ANKRD13B: variants seen among roughly 807,000 people sequenced by gnomAD.
ANKRD13B encodes the protein ankyrin repeat domain 13B, also known as ankyrin repeat domain-containing protein 13B.
Under a neutral mutation model 74.4 loss-of-function variants are expected in ANKRD13B, and 33 were observed. The observed-to-expected ratio is 0.44, with a 90% CI of 0.34 to 0.59. The LOEUF (loss-of-function observed/expected upper bound fraction) is 0.59. Among genes scored for constraint, ANKRD13B ranks in the 20% least tolerant of loss-of-function variants. ANKRD13B has a pLI of 0.02. For missense variants in ANKRD13B, 676 were observed against 877.9 expected, an observed-to-expected ratio of 0.77 and a Z score of 2.91; for synonymous variants, 341 against 362.9, an observed-to-expected ratio of 0.94 and a Z score of 0.68.
At position 29,611,878 on chromosome 17, in the gene ANKRD13B, C is replaced by G; in HGVS notation, c.972C>G (p.Thr324=). The G allele has an allele frequency of 6.2e-7, 1 of 1,608,148 alleles. No individual in the cohort carries two copies. The highest frequency in any genetic ancestry group is 1.7e-5 in the Admixed American group (1 of 59,396). Residue 324 remains threonine, a splice_region_variant and synonymous_variant, in exon 10 of 15, where the codon ACC becomes ACG. Transcript: ENST00000394859. The surrounding 1 kb of genome is among the most constrained non-coding windows in gnomAD (Gnocchi z 4.3). ...AEQHGGPQNG[T]LITQTLSQAN... Reference sequence around the variant, plus strand: ...GGGCCCCTCCCCATGTGGTACAGACCCTGATCACTCAGACTCTGAGCCAAG... The same window carrying G: ...GGGCCCCTCCCCATGTGGTACAGACGCTGATCACTCAGACTCTGAGCCAAG...
intron 1 of ANKRD13B, among the ~76,000 whole-genome samples, chr17:29,600,810 C>G (rs562932712): frequency 6.6e-6 from 1 of 152,298 alleles, no homozygotes; most frequent in South Asian, 2.1e-4. Flanking sequence ...CTCTGCTCCC[C>G]TAAGTCAGTT....
intron 1 of ANKRD13B, among the ~76,000 whole-genome samples, chr17:29,603,805 A>G (rs973061904): frequency 6.6e-6 from 1 of 151,412 alleles, no homozygotes; most frequent in Non-Finnish European, 1.5e-5. Context: ...TGAGCCATCT[A>G]TCATCTTTAT....
intron 1 of ANKRD13B, among the ~76,000 whole-genome samples, chr17:29,601,238 T>C (rs2034165387): frequency 6.6e-6 from 1 of 150,708 alleles, no homozygotes. Flanking sequence ...TTTTTTTTTT[T>C]TGAGACAGAG....
At chr17:29,601,098 A>AT (rs1233732419) in intron 1 of ANKRD13B, among the ~76,000 whole-genome samples, 1 of 150,462 alleles carries the variant, frequency 6.6e-6, no homozygotes, top group African/African-American at 2.5e-5. Context: ...TAATTTTAGT[A>AT]TTTTTTTGTA....
intron 1 of ANKRD13B, among the ~76,000 whole-genome samples, chr17:29,598,735 G>A (rs1431318110): frequency 6.6e-6 from 1 of 151,804 alleles, no homozygotes; most frequent in Non-Finnish European, 1.5e-5. Context: ...TTTTTTTGTA[G>A]AGATGGGGTC....
In ANKRD13B at chr17:29,598,190, G is replaced by C. The variant is rs74772596; in HGVS notation, c.114+4455G>C. ...CTTCTCTGTGAGGGGCCACAGCTCA[G>C]AGGCCAACAGGGGCCAGGCCCGCTG... On this transcript the variant is annotated intron_variant, in intron 1 of 14. Transcript: ENST00000394859. Among the ~76,000 whole-genome samples, 582 of 152,314 alleles carry C rather than the reference G, an allele frequency of 3.8e-3. 4 individuals carry two copies. Among genetic ancestry groups the C allele is most frequent in the African/African-American group, 0.013 (542 of 41,566 alleles).
intron 1 of ANKRD13B, among the ~76,000 whole-genome samples, chr17:29,600,735 T>TG (rs773499538): frequency 1.3e-5 from 2 of 152,112 alleles, no homozygotes; most frequent in African/African-American, 4.8e-5. Context: ...TCAGGGGGGC[T>TG]GGGGGTCACC....
At chr17:29,606,355 T>TA (rs1411878691) in intron 1 of ANKRD13B, among the ~76,000 whole-genome samples, 5 of 151,666 alleles carry the variant, frequency 3.3e-5, no homozygotes, top group Admixed American at 1.3e-4. Context: ...GGTCAGGAGT[T>TA]AGAGACCAGC....
rs1205331895 is a variant in ANKRD13B at position 29,593,585 on chromosome 17, C to T, written c.-37C>T. The stretch of plus-strand genomic sequence containing the variant: ...CGGCTCCGGCGCCGTCCCTCCTCCC[C>T]GGCCGGGCGCCGCGGCCCCGGCATG... On this transcript the variant is annotated 5_prime_UTR_variant, in exon 1 of 15. Transcript: ENST00000394859. 5 of 1,131,978 alleles carry T rather than the reference C, an allele frequency of 4.4e-6. No individual in the cohort carries two copies. Among genetic ancestry groups the T allele is most frequent in the Non-Finnish European group, 5.5e-6 (5 of 905,266 alleles). The allele number at this position is 1,131,978 out of a possible 1,614,324, so 70.1% of individuals were successfully genotyped here.
chr17:29,593,714 GA>G lies in ANKRD13B; in HGVS notation c.95del (p.Lys32ArgfsTer58). The G allele has an allele frequency of 7.0e-7, 1 of 1,434,848 alleles. No individual in the cohort carries two copies. Among genetic ancestry groups the G allele is most frequent in the Non-Finnish European group, 9.2e-7 (1 of 1,084,080 alleles). 88.9% of individuals were successfully genotyped at this position (1,434,848 alleles called of 1,614,324 possible). On this transcript the variant is annotated frameshift_variant, in exon 1 of 15. Transcript: ENST00000394859. LOFTEE classifies it high-confidence loss of function. ...VWHNRHRELEKEVRAGQVDIE... is the reference protein window; with the variant it reads ...VWHNRHRELEXEVRAGQVDIE... ...GGCACAACCGCCACCGCGAGCTGGA[GA>G]AGGAGGTCCGCGCGGGCCAGGTAGG...
At chr17:29,602,255 C>T (rs902909363) in intron 1 of ANKRD13B, among the ~76,000 whole-genome samples, 41 of 151,776 alleles carry the variant, frequency 2.7e-4, no homozygotes, top group African/African-American at 9.0e-4. Context: ...ATTAGCCGGG[C>T]GTGGTGGTGG....
Position 29,612,697 on chromosome 17 carries a change from C to T in ANKRD13B, c.1457C>T (p.Pro486Leu), listed in dbSNP as rs1465096584. ...CEISPALFEAPRGYSMMGGQR... is the reference protein window; with the variant it reads ...CEISPALFEALRGYSMMGGQR... The stretch of plus-strand genomic sequence containing the variant: ...ATCTCCCCAGCGTTGTTCGAGGCCC[C>T]GCGCGGCTACAGCATGATGGGCGGC... Residue 486 changes from proline to leucine, a missense_variant, in exon 13 of 15, where the codon CCG becomes CTG. Around this residue, in one of 4 missense-constraint regions of ANKRD13B, gnomAD observed 152 missense variants for 181.4 expected, o/e 0.84. Coordinates refer to ENST00000394859, the MANE Select transcript of ANKRD13B (RefSeq NM_152345.5). This position sits in a 1 kb window ranked among gnomAD's most constrained non-coding sequence, Gnocchi z 6.1. The T allele has an allele frequency of 6.3e-7, 1 of 1,594,516 alleles. No homozygotes were observed. The highest frequency in any genetic ancestry group is 1.1e-5 in the South Asian group (1 of 89,500).
chr17:29,610,847 C>T, intron 8 of ANKRD13B, 81 bp downstream of exon 8: 3 of 1,353,296 alleles, frequency 2.2e-6, no homozygotes, highest in Non-Finnish European at 3.1e-6. Flanking sequence ...CATCAGTATT[C>T]CCACTGGCAT....
In ANKRD13B at chr17:29,608,729, G is replaced by T; in HGVS notation, c.422-122G>T. The T allele has an allele frequency of 7.4e-7, 1 of 1,346,480 alleles. No homozygotes were observed. The highest frequency in any genetic ancestry group is 1.4e-5 in the South Asian group (1 of 69,334). The allele number at this position is 1,346,480 out of a possible 1,614,324, so 83.4% of individuals were successfully genotyped here. ...GGGAGGGGGTTTTGGAGGAGAGGCT[G>T]CTCTCTCTTCAGTTCCCTCCCCTGT... On this transcript the variant is annotated intron_variant, in intron 4 of 14. Coordinates refer to ENST00000394859, the MANE Select transcript of ANKRD13B (RefSeq NM_152345.5). The surrounding 1 kb of genome is among the most constrained non-coding windows in gnomAD (Gnocchi z 6.4).
In ANKRD13B at chr17:29,593,738, A is replaced by C; in HGVS notation, c.114+3A>C. ...AGAAGGAGGTCCGCGCGGGCCAGGT[A>C]GGAGCGCCTTCGGGGCGCCGCGGGG... On this transcript the variant is annotated splice_donor_region_variant and intron_variant, in intron 1 of 14. Transcript: ENST00000394859. 7.2e-7 allele frequency: 1 copy of C among 1,395,570 alleles called. No homozygotes were observed. Among genetic ancestry groups the C allele is most frequent in the East Asian group, 3.2e-5 (1 of 31,248 alleles). The allele number at this position is 1,395,570 out of a possible 1,614,324, so 86.4% of individuals were successfully genotyped here. A position where few individuals can be genotyped will look rare whatever the true frequency, so the allele number is the denominator to read the frequency against.
Position 29,608,677 on chromosome 17 carries a change from C to T in ANKRD13B, c.422-174C>T, listed in dbSNP as rs1378874151. 3.3e-5 allele frequency: 30 copies of T among 903,284 alleles called. No individual in the cohort carries two copies. Among genetic ancestry groups the T allele is most frequent in the Non-Finnish European group, 4.9e-5 (30 of 612,680 alleles). The allele number at this position is 903,284 out of a possible 1,614,324, so 56.0% of individuals were successfully genotyped here. A position where few individuals can be genotyped will look rare whatever the true frequency, so the allele number is the denominator to read the frequency against. ...CCCGTCCCGACCTCAGGTTGCTCTT[C>T]TGTGTGAGTATGGTCTACACTGGCC... On this transcript the variant is annotated intron_variant, in intron 4 of 14. Transcript: ENST00000394859. The surrounding 1 kb of genome is among the most constrained non-coding windows in gnomAD (Gnocchi z 6.4).
At chr17:29,604,019 G>T (rs1456660357) in intron 1 of ANKRD13B, among the ~76,000 whole-genome samples, 1 of 151,230 alleles carries the variant, frequency 6.6e-6, no homozygotes, top group Non-Finnish European at 1.5e-5. Flanking sequence ...GGGATTACAG[G>T]CTCACGTGAG....
At position 29,605,494 on chromosome 17, in the gene ANKRD13B, G is replaced by A. The variant is rs1010433392; in HGVS notation, c.115-2248G>A. Among the ~76,000 whole-genome samples the A allele has an allele frequency of 9.2e-5, 14 of 151,920 alleles. No homozygotes were observed. In the South Asian group the frequency reaches 1.0e-3, roughly 11 times the overall value. On this transcript the variant is annotated intron_variant, in intron 1 of 14. Coordinates refer to ENST00000394859, the MANE Select transcript of ANKRD13B (RefSeq NM_152345.5). ...TATGTATATATATATTTGAGACAGC[G>A]TCTCACTCTGTTGCCCAGCCTGGAG...
At chr17:29,598,213 C>A (rs2034027491) in intron 1 of ANKRD13B, among the ~76,000 whole-genome samples, 2 of 152,174 alleles carry the variant, frequency 1.3e-5, no homozygotes, top group African/African-American at 4.8e-5. Context: ...GCCAGGCCCG[C>A]TGGTTTTTTT....
Sources: gnomAD v4.1 joint callset for allele counts (sites outside exome capture counted in the v4.1 genomes callset) on GRCh38, gnomAD v4.1.1 for gene constraint, gnomAD v4.1.1 regional missense constraint, Gnocchi (gnomAD v3.1) non-coding constraint, MANE v1.5 for transcripts, NCBI Gene and HGNC (gene_info 2026-07-23, HGNC 2026-07-21) for gene names.